CTNND2: variants seen among roughly 807,000 people sequenced by gnomAD.
CTNND2 encodes catenin delta 2.
A neutral mutation model predicts 144.4 loss-of-function variants in CTNND2; 22 were observed. The observed-to-expected ratio is 0.15, with a 90% CI of 0.11 to 0.22. CTNND2 has a LOEUF of 0.22. Ranked by LOEUF, CTNND2 falls within the 10% of genes least tolerant of loss-of-function variation. CTNND2 has a pLI of 1.00. For missense variants in CTNND2, 1,353 were observed against 1,618.8 expected, an observed-to-expected ratio of 0.84 and a Z score of 2.82; for synonymous variants, 751 against 695.6, an observed-to-expected ratio of 1.08 and a Z score of -1.25.
At chr5:11,868,135 G>T (rs913203258) in intron 1 of CTNND2, among the ~76,000 whole-genome samples, 1 of 151,978 alleles carries the variant, frequency 6.6e-6, no homozygotes, top group Non-Finnish European at 1.5e-5. Context: ...AGCAAGCAGT[G>T]ACGCATGCGC....
At chr5:11,272,606 T>G (rs1310743414) in intron 9 of CTNND2, among the ~76,000 whole-genome samples, 1 of 152,178 alleles carries the variant, frequency 6.6e-6, no homozygotes, top group Non-Finnish European at 1.5e-5. Context: ...GAACTGATTT[T>G]ACAACTCCAT....
intron 11 of CTNND2, among the ~76,000 whole-genome samples, chr5:11,178,043 A>C (rs1352521769): frequency 6.6e-6 from 1 of 152,182 alleles, no homozygotes; most frequent in Admixed American, 6.5e-5. Flanking sequence ...GGAAGACTTG[A>C]AGAAGACACA....
intron 2 of CTNND2, among the ~76,000 whole-genome samples, chr5:11,604,264 T>C (rs971301479): frequency 6.6e-6 from 1 of 152,198 alleles, no homozygotes; most frequent in Non-Finnish European, 1.5e-5. Flanking sequence ...CTGTGACCCA[T>C]GTCTTCACAG....
intron 1 of CTNND2, among the ~76,000 whole-genome samples, chr5:11,857,741 G>A (rs757427174): frequency 6.6e-6 from 1 of 152,110 alleles, no homozygotes; most frequent in Non-Finnish European, 1.5e-5. Flanking sequence ...TGCTATTAAC[G>A]AAAAAATATC....
At chr5:11,415,609 C>G (rs780124194) in intron 3 of CTNND2, among the ~76,000 whole-genome samples, 3 of 152,102 alleles carry the variant, frequency 2.0e-5, no homozygotes, top group Admixed American at 6.6e-5. Context: ...AGTAAGACCA[C>G]TGCCTCTAAA....
At chr5:11,847,236 A>T (rs1433970846) in intron 1 of CTNND2, among the ~76,000 whole-genome samples, 2 of 148,334 alleles carry the variant, frequency 1.3e-5, no homozygotes, top group Non-Finnish European at 3.0e-5. Context: ...TCGATCTAAA[A>T]GTCATCTACA....
intron 14 of CTNND2, among the ~76,000 whole-genome samples, chr5:11,104,951 C>T (rs1044281152): frequency 3.3e-5 from 5 of 152,238 alleles, no homozygotes; most frequent in Admixed American, 2.0e-4. Flanking sequence ...TGGGGGGCCA[C>T]GGGGCCCGGT....
chr5:11,780,940 T>C (rs1156935427), intron 1 of CTNND2, among the ~76,000 whole-genome samples: 2 of 152,180 alleles, frequency 1.3e-5, no homozygotes, highest in African/African-American at 2.4e-5. Flanking sequence ...CCCAGGACCA[T>C]GGATTTCTAC....
At chr5:11,273,711 G>A (rs527869220) in intron 9 of CTNND2, among the ~76,000 whole-genome samples, 1 of 152,128 alleles carries the variant, frequency 6.6e-6, no homozygotes, top group East Asian at 1.9e-4. Context: ...GACACTTATC[G>A]CCCAGATAAA....
intron 9 of CTNND2, among the ~76,000 whole-genome samples, chr5:11,291,979 C>G (rs991159307): frequency 4.6e-5 from 7 of 152,040 alleles, no homozygotes; most frequent in Non-Finnish European, 1.0e-4. Context: ...CCTGACCTAT[C>G]CACCCCATAG....
chr5:11,871,330 A>T (rs1042849760), intron 1 of CTNND2, among the ~76,000 whole-genome samples: 6 of 152,204 alleles, frequency 3.9e-5, no homozygotes, highest in Admixed American at 6.5e-5. Context: ...GAGACAGAGA[A>T]GTCTGTTAAT....
At chr5:11,322,368 C>T (rs145191205) in intron 9 of CTNND2, among the ~76,000 whole-genome samples, 69 of 152,214 alleles carry the variant, frequency 4.5e-4, no homozygotes, top group African/African-American at 1.5e-3. Context: ...TTTAATGTTA[C>T]CACAGTGCTT....
chr5:11,270,471 TAA>T (rs34326518), intron 9 of CTNND2, among the ~76,000 whole-genome samples: 1,481 of 144,368 alleles, frequency 0.01, 13 homozygotes, highest in Admixed American at 0.036. Flanking sequence ...AACAATGTGG[TAA>T]AAAAAAAAAA....
At chr5:11,250,007 A>G (rs1012898271) in intron 9 of CTNND2, among the ~76,000 whole-genome samples, 1 of 152,226 alleles carries the variant, frequency 6.6e-6, no homozygotes, top group African/African-American at 2.4e-5. Flanking sequence ...TCTCATTACT[A>G]GACATTAAAA....
chr5:11,192,209 A>G (rs942489823), intron 11 of CTNND2, among the ~76,000 whole-genome samples: 1 of 152,210 alleles, frequency 6.6e-6, no homozygotes, highest in Non-Finnish European at 1.5e-5. Flanking sequence ...TGGGAAATGC[A>G]TCATGCCAGA....
At chr5:11,373,869 C>T (rs377187853) in intron 7 of CTNND2, among the ~76,000 whole-genome samples, 2 of 152,284 alleles carry the variant, frequency 1.3e-5, no homozygotes, top group East Asian at 1.9e-4. Context: ...TTTGCGGGTA[C>T]CTTTGAAAGT....
intron 10 of CTNND2, among the ~76,000 whole-genome samples, chr5:11,230,615 C>G (rs565346563): frequency 1.3e-5 from 2 of 152,286 alleles, no homozygotes; most frequent in African/African-American, 2.4e-5. Context: ...CTCAGATATT[C>G]ATTCACCCAT....
intron 3 of CTNND2, among the ~76,000 whole-genome samples, chr5:11,434,396 A>G (rs1763575250): frequency 6.6e-6 from 1 of 152,218 alleles, no homozygotes; most frequent in Non-Finnish European, 1.5e-5. Context: ...GTAATATTCT[A>G]TATCTTGACA....
Position 11,124,198 on chromosome 5 carries a change from G to C in CTNND2, c.2160-6631C>G, listed in dbSNP as rs549687212. On this transcript the variant is annotated intron_variant, in intron 12 of 21. Coordinates refer to ENST00000304623, the MANE Select transcript of CTNND2 (RefSeq NM_001332.4). ...CTCCTGCCTGCTCTCTCTTGCTTAG[G>C]CTAAGCAGAGACTGAACAGACCTAA... 5.3e-5 allele frequency among the ~76,000 whole-genome samples: 8 copies of C among 152,220 alleles called. No individual in the cohort carries two copies. In the South Asian group the frequency reaches 1.7e-3, roughly 32 times the overall value.
Sources: gnomAD v4.1 joint callset for allele counts (sites outside exome capture counted in the v4.1 genomes callset) on GRCh38, gnomAD v4.1.1 for gene constraint, MANE v1.5 for transcripts, NCBI Gene and HGNC (gene_info 2026-07-23, HGNC 2026-07-21) for gene names.